ANKRD30BL: variants seen among roughly 807,000 people sequenced by gnomAD.
ANKRD30BL encodes the protein putative ankyrin repeat domain-containing protein 30B-like.
ANKRD30BL carries 20 observed loss-of-function variants against 18.4 expected under a neutral mutation model. That is an observed-to-expected ratio of 1.09 (90% CI 0.77 to 1.58). ANKRD30BL has a LOEUF of 1.58. Ranked by LOEUF, ANKRD30BL falls within the 40% of genes most tolerant of loss-of-function variation. ANKRD30BL has a pLI of 0.00. For synonymous variants in ANKRD30BL, 72 were observed against 100.9 expected (o/e 0.71, Z 1.72); for missense variants, 224 against 268.6 (o/e 0.83, Z 1.16).
At chr2:132,151,957 T>C (rs1332815415) in intron 4 of ANKRD30BL, among the ~76,000 whole-genome samples, 1 of 152,100 alleles carries the variant, frequency 6.6e-6, no homozygotes, top group Non-Finnish European at 1.5e-5. Flanking sequence ...TTAGTCACTA[T>C]GTTCATTTCC....
intron 1 of ANKRD30BL, among the ~76,000 whole-genome samples, chr2:132,167,878 C>T (rs190809153): frequency 6.6e-6 from 1 of 152,150 alleles, no homozygotes; most frequent in Admixed American, 6.5e-5. Flanking sequence ...CCTCCTGTAC[C>T]TTATGACATT....
intron 1 of ANKRD30BL, among the ~76,000 whole-genome samples, chr2:132,213,936 G>C (rs1679422926): frequency 6.6e-6 from 1 of 151,892 alleles, no homozygotes; most frequent in Admixed American, 6.6e-5. Flanking sequence ...TGTAGAATCT[G>C]TAAATGGACA....
intron 1 of ANKRD30BL, among the ~76,000 whole-genome samples, chr2:132,188,511 T>C (rs1020188133): frequency 1.4e-4 from 22 of 151,980 alleles, no homozygotes; most frequent in African/African-American, 5.1e-4. Flanking sequence ...GATCAGGAGA[T>C]CATCCTGGCT....
chr2:132,219,780 T>G (rs1573856726), intron 1 of ANKRD30BL, among the ~76,000 whole-genome samples: 2 of 152,226 alleles, frequency 1.3e-5, no homozygotes, highest in African/African-American at 2.4e-5. Flanking sequence ...AATCTGCATG[T>G]GGATATTTGA....
chr2:132,236,995 AATC>A (rs1680167902), intron 1 of ANKRD30BL, among the ~76,000 whole-genome samples: 1 of 151,828 alleles, frequency 6.6e-6, no homozygotes, highest in African/African-American at 2.4e-5. Context: ...TGAAATTGGA[AATC>A]ATCATTCTCA....
intron 1 of ANKRD30BL, among the ~76,000 whole-genome samples, chr2:132,217,622 T>C (rs78552575): frequency 6.6e-6 from 1 of 152,030 alleles, no homozygotes; most frequent in South Asian, 2.1e-4. Context: ...AATCACTAGA[T>C]AGAAGTTTTC....
At chr2:132,198,903 C>T (rs1474392915) in intron 1 of ANKRD30BL, among the ~76,000 whole-genome samples, 2 of 152,192 alleles carry the variant, frequency 1.3e-5, no homozygotes, top group Admixed American at 1.3e-4. Context: ...CAGGCATGAG[C>T]CACTGTGCCC....
chr2:132,184,245 T>C (rs1269146707), intron 1 of ANKRD30BL, among the ~76,000 whole-genome samples: 1 of 152,110 alleles, frequency 6.6e-6, no homozygotes, highest in Admixed American at 6.6e-5. Flanking sequence ...GCTAATTTTT[T>C]TGTGTCTGCG....
chr2:132,202,768 C>CA (rs759213762), intron 1 of ANKRD30BL, among the ~76,000 whole-genome samples: 196 of 152,102 alleles, frequency 1.3e-3, no homozygotes, highest in Non-Finnish European at 2.0e-3. Context: ...AAATGAATGA[C>CA]AATGGAATAT....
At chr2:132,196,141 C>CAAAAAA (rs199876039) in intron 1 of ANKRD30BL, among the ~76,000 whole-genome samples, 1 of 87,484 alleles carries the variant, frequency 1.1e-5, no homozygotes, top group Non-Finnish European at 2.5e-5. Flanking sequence ...GAGTCCATCT[C>CAAAAAA]AAAAAAAAAA....
intron 1 of ANKRD30BL, among the ~76,000 whole-genome samples, chr2:132,160,908 T>A (rs1409950842): frequency 2.7e-5 from 4 of 150,126 alleles, no homozygotes; most frequent in South Asian, 4.3e-4. Flanking sequence ...AGAACTTGCA[T>A]CTTCAGAAAA....
chr2:132,180,009 C>T (rs969274784), intron 1 of ANKRD30BL, among the ~76,000 whole-genome samples: 18 of 152,180 alleles, frequency 1.2e-4, no homozygotes, highest in Admixed American at 3.9e-4. Flanking sequence ...AAAAAAATTA[C>T]AGTAAGCTAA....
rs760097162 is a variant in ANKRD30BL, at chr2:132,157,364, T to C, written c.278A>G (p.Asp93Gly). 1 of 752,490 alleles carries C rather than the reference T, an allele frequency of 1.3e-6. No homozygotes were observed. The highest frequency in any genetic ancestry group is 1.4e-5 in the South Asian group (1 of 69,088). The allele number at this position is 752,490 out of a possible 1,614,324, so 46.6% of individuals were successfully genotyped here. ...AAGGACGTCAAGCTGACACTTTCTA[T>C]CTACCAGAAGTGTTACTACTTCTGC... ...GHAEVVTLLV[D>G]RKCQLDVLDG... Residue 93 changes from aspartate (D) to glycine (G), a missense_variant, in exon 2 of 6, where the codon GAT becomes GGT. Asp to Gly is a moderately conservative substitution (Grantham distance 94). This residue lies in a region of ANKRD30BL where 131 missense variants were observed against 128.8 expected (regional missense o/e 1.02). Coordinates refer to ENST00000409867, the MANE Select transcript of ANKRD30BL (RefSeq NM_001358416.1).
At chr2:132,240,255 C>T (rs1157280687) in intron 1 of ANKRD30BL, among the ~76,000 whole-genome samples, 10 of 151,798 alleles carry the variant, frequency 6.6e-5, no homozygotes, top group Admixed American at 3.3e-4. Context: ...TTGAAACACT[C>T]TTCTTGTAGA....
At chr2:132,191,026 A>C (rs1678836846) in intron 1 of ANKRD30BL, among the ~76,000 whole-genome samples, 2 of 152,314 alleles carry the variant, frequency 1.3e-5, no homozygotes, top group African/African-American at 4.8e-5. Flanking sequence ...GTACAAACAT[A>C]TAAAGTTATG....
chr2:132,195,904 G>C (rs1678957708), intron 1 of ANKRD30BL, among the ~76,000 whole-genome samples: 1 of 151,622 alleles, frequency 6.6e-6, no homozygotes, highest in South Asian at 2.1e-4. Flanking sequence ...CACTTTGGGA[G>C]GACCAGTTGG....
At chr2:132,224,406 ACT>A (rs974140089) in intron 1 of ANKRD30BL, among the ~76,000 whole-genome samples, 18 of 149,690 alleles carry the variant, frequency 1.2e-4, no homozygotes, top group African/African-American at 4.4e-4. Context: ...CTTTTGAAAC[ACT>A]CTTTGTAGAA....
chr2:132,222,699 G>A lies in ANKRD30BL; in HGVS notation n.441+34830C>T, dbSNP rs565632998. Among the ~76,000 whole-genome samples, 9 of 151,832 alleles carry A rather than the reference G, an allele frequency of 5.9e-5. No homozygotes were observed. The East Asian group carries it at 1.4e-3, about 23-fold the overall frequency. The stretch of plus-strand genomic sequence containing the variant: ...AAGTACCCAGGGACACAAACATTGC[G>A]GAAGGCCGCAGGGTCCTCTGCCTAG... On this transcript the variant is annotated intron_variant and non_coding_transcript_variant, in intron 1 of 4. Transcript: ENST00000470729.
chr2:132,166,165 T>A (rs1414665016), upstream of ANKRD30BL, among the ~76,000 whole-genome samples: 1 of 152,224 alleles, frequency 6.6e-6, no homozygotes, highest in Non-Finnish European at 1.5e-5. Context: ...CTTTCTTACC[T>A]AAAATAAATA....
Sources: gnomAD v4.1 joint callset for allele counts (sites outside exome capture counted in the v4.1 genomes callset) on GRCh38, gnomAD v4.1.1 for gene constraint, gnomAD v4.1.1 regional missense constraint, MANE v1.5 for transcripts, NCBI Gene and HGNC (gene_info 2026-07-23, HGNC 2026-07-21) for gene names.